The following SUPT6H variants were observed in gnomAD, a reference collection of about 807,000 sequenced individuals.
SUPT6H encodes the protein transcription elongation factor SPT6.
In SUPT6H, 11 loss-of-function variants were observed where a neutral mutation model predicts 222.3. The observed-to-expected ratio is 0.05, with a 90% CI of 0.03 to 0.08. The LOEUF is 0.08. Ranked by LOEUF, SUPT6H falls within the 10% of genes least tolerant of loss-of-function variation. The pLI, the probability that SUPT6H is intolerant of heterozygous loss-of-function variation, is 1.00. For missense variants in SUPT6H, 1,422 were observed against 2,216.0 expected (o/e 0.64, Z 7.19); for synonymous variants, 762 against 801.2 (o/e 0.95, Z 0.83).
chr17:28,690,269 G>A (rs969020573), intron 26 of SUPT6H, 40 bp downstream of exon 26: 7 of 1,605,728 alleles, frequency 4.4e-6, no homozygotes, highest in African/African-American at 1.3e-5. Context: ...GGCAGGAGGT[G>A]TGTTTACTGT....
intron 7 of SUPT6H, 79 bp downstream of exon 7, chr17:28,676,509 C>G (rs1267231284): frequency 6.3e-7 from 1 of 1,592,564 alleles, no homozygotes; most frequent in African/African-American, 1.3e-5. Context: ...AAAAGTCTGG[C>G]ATTGAGTATC....
intron 29 of SUPT6H, 78 bp from the exon 30 acceptor site, chr17:28,696,766 A>G (rs1220323546): frequency 2.3e-6 from 3 of 1,319,344 alleles, no homozygotes; most frequent in African/African-American, 2.9e-5. Context: ...TAAATAAGAA[A>G]TGAAGGCCTG....
chr17:28,687,505 T>C (rs1258419807), intron 23 of SUPT6H, 34 bp downstream of exon 23: 1 of 1,605,760 alleles, frequency 6.2e-7, no homozygotes, highest in South Asian at 1.1e-5. Flanking sequence ...ATTTTAAAAC[T>C]TGCCATTTCA....
At chr17:28,663,343 A>G (rs1213444393) in intron 1 of SUPT6H, among the ~76,000 whole-genome samples, 1 of 152,066 alleles carries the variant, frequency 6.6e-6, no homozygotes, top group Non-Finnish European at 1.5e-5. Context: ...ATTTTTATTC[A>G]CTTGGCTTGT....
intron 29 of SUPT6H, among the ~76,000 whole-genome samples, chr17:28,696,134 C>T (rs896844875): frequency 3.9e-5 from 6 of 151,960 alleles, no homozygotes; most frequent in African/African-American, 9.7e-5. Flanking sequence ...GGTGAACCCC[C>T]GTCTCTACCA....
At chr17:28,673,971 T>C (rs1032280230) in intron 2 of SUPT6H, among the ~76,000 whole-genome samples, 1 of 152,224 alleles carries the variant, frequency 6.6e-6, no homozygotes, top group Admixed American at 6.5e-5. Flanking sequence ...ATATAGCTGC[T>C]GAGTTTACAA....
chr17:28,687,039 T>C (rs1466822605), intron 21 of SUPT6H, 49 bp from the exon 22 acceptor site: 2 of 1,599,062 alleles, frequency 1.3e-6, no homozygotes, highest in Non-Finnish European at 1.7e-6. Flanking sequence ...CCTCTTGATG[T>C]TGTAGCTAAG....
rs760444332 is a variant in SUPT6H, at chr17:28,674,448, AGTC to A, written c.268+8_268+10del. The A allele has an allele frequency of 5.0e-6, 8 of 1,613,998 alleles. No homozygotes were observed. The highest frequency in any genetic ancestry group is 5.9e-6 in the Non-Finnish European group (7 of 1,179,986). On this transcript the variant is annotated splice_region_variant and intron_variant, in intron 3 of 36. Coordinates refer to ENST00000314616, the MANE Select transcript of SUPT6H (RefSeq NM_003170.5). Reference sequence around the variant, plus strand: ...CACAAGAAGAGAAAACGCAGTGAGTAGTCTGTCGTTGGCTCAAGTGAGGCTTGG... The same window carrying A: ...CACAAGAAGAGAAAACGCAGTGAGTATGTCGTTGGCTCAAGTGAGGCTTGG...
At position 28,688,210 on chromosome 17, in the gene SUPT6H, G is replaced by C; in HGVS notation, c.3126G>C (p.Leu1042=). The C allele has an allele frequency of 1.2e-6, 2 of 1,613,248 alleles. No individual in the cohort carries two copies. The highest frequency in any genetic ancestry group is 1.7e-6 in the Non-Finnish European group (2 of 1,179,612). ...AGFLKIDTAS[L]GDSTDSYIEV... is the part of the protein sequence containing the mutation. ...TCCTCAAGATCGACACGGCCTCCCT[G>C]GGGGACAGGTGATGCCCTCTGCCTG... Residue 1042 remains leucine (L), a synonymous_variant, in exon 24 of 37, where the codon CTG becomes CTC. Coordinates refer to ENST00000314616, the MANE Select transcript of SUPT6H (RefSeq NM_003170.5). This position sits in a 1 kb window ranked among gnomAD's most constrained non-coding sequence, Gnocchi z 4.3.
Position 28,700,038 on chromosome 17 carries a change from G to C in SUPT6H, c.4562-135G>C, listed in dbSNP as rs1011382243. The C allele has an allele frequency of 2.8e-6, 4 of 1,429,220 alleles. No homozygotes were observed. In the African/African-American group the frequency reaches 5.6e-5, roughly 20 times the overall value. 88.5% of individuals were successfully genotyped at this position (1,429,220 alleles called of 1,614,324 possible). The stretch of plus-strand genomic sequence containing the variant: ...TCCTCCTGCAGCCTCCCAGCACCAG[G>C]AAGGTTCTCCATCCACTGTGCCTAT... On this transcript the variant is annotated intron_variant, in intron 33 of 36. Transcript: ENST00000314616.
intron 5 of SUPT6H, 40 bp downstream of exon 5, chr17:28,675,202 T>A: frequency 6.4e-7 from 1 of 1,569,578 alleles, no homozygotes; most frequent in African/African-American, 1.4e-5. Context: ...TTTGGATGGG[T>A]ATTGGGATTT....
chr17:28,683,721 G>A lies in SUPT6H; in HGVS notation c.2134G>A (p.Ala712Thr). Residue 712 changes from alanine to threonine, a missense_variant, in exon 17 of 37, where the codon GCC becomes ACC. Coordinates refer to ENST00000314616, the MANE Select transcript of SUPT6H (RefSeq NM_003170.5). ...GGAGTGGAACCGGCAGCGCACCATG[G>A]CCATCGAACGGGCTTTACAGCAGTT... The part of the protein sequence containing the change: ...VQEWNRQRTM[A>T]IERALQQFLY... 1 of 1,614,160 alleles carries A rather than the reference G, an allele frequency of 6.2e-7. No homozygotes were observed. Among genetic ancestry groups the A allele is most frequent in the Non-Finnish European group, 8.5e-7 (1 of 1,180,036 alleles).
rs2072063590 is a variant in SUPT6H at position 28,662,210 on chromosome 17, CGCAGCAGCGGCG to C, written c.-161_-150del. The C allele has an allele frequency of 4.3e-6, 1 of 234,608 alleles. No homozygotes were observed. Among genetic ancestry groups the C allele is most frequent in the Admixed American group, 5.1e-5 (1 of 19,732 alleles). 14.5% of individuals were successfully genotyped at this position (234,608 alleles called of 1,614,324 possible). A position where few individuals can be genotyped will look rare whatever the true frequency, so the allele number is the denominator to read the frequency against. Reference sequence around the variant, plus strand: ...AGCCGGAAATGACGTAGCACGTTGACGCAGCAGCGGCGGCGGTGGCGGCGGAGGGGCCGTGCG... The same window carrying C: ...AGCCGGAAATGACGTAGCACGTTGACGCGGTGGCGGCGGAGGGGCCGTGCG... On this transcript the variant is annotated 5_prime_UTR_variant, in exon 1 of 37. Transcript: ENST00000314616.
At chr17:28,693,919 A>G (rs531343530) in intron 28 of SUPT6H, 83 bp downstream of exon 28, 14 of 1,577,744 alleles carry the variant, frequency 8.9e-6, no homozygotes, top group African/African-American at 1.3e-5. Flanking sequence ...TGTCCCCACC[A>G]GAAGTTAGGC....
rs1211021955 is a variant in SUPT6H at position 28,678,112 on chromosome 17, A to G, written c.1036A>G (p.Ser346Gly). Reference sequence around the variant, plus strand: ...TTACCTAGACCGAGGGCAGCCAGCCAGCAGCTTCAGTCGGAAAGGGCCCAG... The same window carrying G: ...TTACCTAGACCGAGGGCAGCCAGCCGGCAGCTTCAGTCGGAAAGGGCCCAG... ...CDYLDRGQPA[S>G]SFSRKGPSTI... Residue 346 changes from serine to glycine, a missense_variant, in exon 9 of 37, where the codon AGC becomes GGC. Ser to Gly is a moderately conservative substitution (Grantham distance 56, BLOSUM62 0). This residue lies in a region of SUPT6H where 389 missense variants were observed against 544.6 expected (regional missense o/e 0.71). Transcript: ENST00000314616. The G allele has an allele frequency of 1.1e-5, 17 of 1,612,788 alleles. No individual in the cohort carries two copies. Among genetic ancestry groups the G allele is most frequent in the Non-Finnish European group, 1.4e-5 (16 of 1,179,636 alleles).
At chr17:28,695,186 A>T (rs2031844182) in intron 28 of SUPT6H, 166 bp from the exon 29 acceptor site, 10 of 668,886 alleles carry the variant, frequency 1.5e-5, no homozygotes, top group Middle Eastern at 3.7e-4. Flanking sequence ...TACAGACAAG[A>T]TTCCACCCCA....
Position 28,673,143 on chromosome 17 carries a change from G to A in SUPT6H, c.-31-228G>A, listed in dbSNP as rs548500323. ...TCCAGCCTGGGTGAGAGAGTGAGAC[G>A]CCACCTCAAAAAAAAAAAAAAAAAG... On this transcript the variant is annotated intron_variant, in intron 1 of 36. Coordinates refer to ENST00000314616, the MANE Select transcript of SUPT6H (RefSeq NM_003170.5). 1.7e-4 allele frequency among the ~76,000 whole-genome samples: 24 copies of A among 144,706 alleles called. No homozygotes were observed. The Middle Eastern group carries it at 0.011, about 65-fold the overall frequency. The allele number at this position is 144,706 out of a possible 152,430, so 94.9% of individuals were successfully genotyped here.
intron 32 of SUPT6H, 47 bp from the exon 33 acceptor site, chr17:28,699,734 G>C (rs779049679): frequency 9.2e-6 from 14 of 1,526,430 alleles, no homozygotes; most frequent in Non-Finnish European, 1.3e-5. Flanking sequence ...CGCTCTTGTG[G>C]TGGGTCCCAA....
At chr17:28,690,714 C>T (rs746149332) in intron 26 of SUPT6H, among the ~76,000 whole-genome samples, 7 of 152,224 alleles carry the variant, frequency 4.6e-5, no homozygotes, top group Non-Finnish European at 8.8e-5. Context: ...GCAGAGGTTA[C>T]AGTCAGCCAA....
Sources: allele counts gnomAD v4.1 joint callset (sites outside exome capture counted in the v4.1 genomes callset), GRCh38; gene constraint gnomAD v4.1.1; regional missense constraint gnomAD v4.1.1; non-coding constraint Gnocchi (gnomAD v3.1); transcripts MANE v1.5; gene names NCBI Gene and HGNC (gene_info 2026-07-23, HGNC 2026-07-21).